Variants in ZNF775 observed in about 807,000 individuals in gnomAD.
ZNF775 encodes the protein zinc finger protein 775.
ZNF775 carries 1 observed loss-of-function variant against 2.4 expected under a neutral mutation model. That is an observed-to-expected ratio of 0.41 (90% CI 0.15 to 1.94). ZNF775 has a LOEUF of 1.94. ZNF775 is among the 30% of genes most tolerant of loss of function. The pLI is 0.30. For missense variants in ZNF775, 823 were observed against 826.6 expected (o/e 1.00, Z 0.05); for synonymous variants, 381 against 373.3 (o/e 1.02, Z -0.24).
chr7:150,396,675 G>T lies in ZNF775; in HGVS notation c.194G>T (p.Gly65Val). The T allele has an allele frequency of 6.2e-7, 1 of 1,609,286 alleles. No homozygotes were observed. Among genetic ancestry groups the T allele is most frequent in the Non-Finnish European group, 8.5e-7 (1 of 1,178,646 alleles). The change falls in exon 3 of 3, where the codon GGA (glycine) becomes GTA (valine). Residue 65 changes from glycine (G) to valine (V), a missense_variant. Transcript: ENST00000329630. ...ATGGGGCGGCCTCGAGCCCTGGGGG[G>T]ACAGGAGGAGTCTGGGAGTCCAAGG... The part of the protein sequence containing the change: ...QTMGRPRALG[G>V]QEESGSPRWA...
chr7:150,394,832 A>C (rs1038382417), intron 2 of ZNF775, among the ~76,000 whole-genome samples: 1 of 152,180 alleles, frequency 6.6e-6, no homozygotes, highest in African/African-American at 2.4e-5. Flanking sequence ...TCCTGGGGAA[A>C]ATCTCAGCAA....
At chr7:150,388,618 C>G in intron 2 of ZNF775, 117 bp downstream of exon 2, 1 of 1,132,826 alleles carries the variant, frequency 8.8e-7, no homozygotes, top group Non-Finnish European at 1.3e-6. Flanking sequence ...CTAGTACATC[C>G]CACTGATGCA....
At chr7:150,388,910 A>G (rs1800506550) in intron 2 of ZNF775, among the ~76,000 whole-genome samples, 1 of 152,252 alleles carries the variant, frequency 6.6e-6, no homozygotes, top group Non-Finnish European at 1.5e-5. Flanking sequence ...AGTTCAGTCC[A>G]TTAACGCTTC....
At chr7:150,388,644 G>A (rs151080519) in intron 2 of ZNF775, 143 bp downstream of exon 2, 24 of 958,960 alleles carry the variant, frequency 2.5e-5, no homozygotes, top group Admixed American at 7.1e-5. Flanking sequence ...TCAGGGTGGG[G>A]ACCAGGACTT....
At position 150,397,455 on chromosome 7, in the gene ZNF775, C is replaced by G; in HGVS notation, c.974C>G (p.Thr325Arg). 1 of 1,593,074 alleles carries G rather than the reference C, an allele frequency of 6.3e-7. No homozygotes were observed. Among genetic ancestry groups the G allele is most frequent in the Non-Finnish European group, 8.5e-7 (1 of 1,174,318 alleles). Residue 325 changes from threonine (T) to arginine (R), a missense_variant, in exon 3 of 3, where the codon ACG (threonine) becomes AGG (arginine). Transcript: ENST00000329630. ...GRRFSQKPNL[T>R]RHLRNHTGER... ...CGCTTCAGCCAGAAGCCCAACTTGA[C>G]GCGGCACCTGCGCAACCACACAGGC...
Position 150,397,855 on chromosome 7 carries a change from G to T in ZNF775, c.1374G>T (p.Trp458Cys). ...CNECGKSFSW[W>C]SALTIHQRIH... ...AGTGCGGCAAGAGCTTCTCGTGGTG[G>T]TCGGCGCTCACCATCCACCAGCGCA... is the stretch of plus-strand genomic sequence containing the variant. Residue 458 changes from tryptophan to cysteine, a missense_variant, in exon 3 of 3, where the codon TGG becomes TGT. Trp to Cys is a radical substitution (Grantham distance 215). Coordinates refer to ENST00000329630, the MANE Select transcript of ZNF775 (RefSeq NM_173680.4). 1 of 1,602,640 alleles carries T rather than the reference G, an allele frequency of 6.2e-7. No homozygotes were observed. Among genetic ancestry groups the T allele is most frequent in the South Asian group, 1.1e-5 (1 of 90,726 alleles).
chr7:150,379,798 C>G (rs544606789), intron 1 of ZNF775: 1 of 152,420 alleles, frequency 6.6e-6, no homozygotes, highest in African/African-American at 2.4e-5. Flanking sequence ...AGATCAGTTT[C>G]TGGGGGCAGG....
chr7:150,396,443 C>G (rs1563260194), intron 2 of ZNF775, 70 bp from the exon 3 acceptor site: 5 of 1,484,178 alleles, frequency 3.4e-6, no homozygotes, highest in East Asian at 4.9e-5. Flanking sequence ...TCTCTTGCTC[C>G]TTCTCTCCAT....
chr7:150,393,516 G>C (rs10264100), intron 2 of ZNF775, among the ~76,000 whole-genome samples: 1,715 of 152,268 alleles, frequency 0.011, 33 homozygotes, highest in African/African-American at 0.04. Context: ...TGGTAAGCCT[G>C]TATTTAGCTT....
chr7:150,390,068 T>C (rs1800534968), intron 2 of ZNF775, among the ~76,000 whole-genome samples: 1 of 152,122 alleles, frequency 6.6e-6, no homozygotes, highest in Admixed American at 6.5e-5. Flanking sequence ...CATGGAGCAA[T>C]AATCTGTGCT....
In ZNF775 at chr7:150,397,858, G is replaced by A. The variant is rs1437214548; in HGVS notation, c.1377G>A (p.Ser459=). The A allele has an allele frequency of 3.1e-6, 5 of 1,601,950 alleles. No individual in the cohort carries two copies. The highest frequency in any genetic ancestry group is 1.1e-5 in the South Asian group (1 of 90,676). Residue 459 remains serine, a synonymous_variant, in exon 3 of 3, where the codon TCG becomes TCA. Transcript: ENST00000329630. ...GCGGCAAGAGCTTCTCGTGGTGGTC[G>A]GCGCTCACCATCCACCAGCGCATCC... is the stretch of plus-strand genomic sequence containing the variant. ...NECGKSFSWW[S]ALTIHQRIHT... is the part of the protein sequence containing the mutation.
At chr7:150,394,804 A>T (rs1290751555) in intron 2 of ZNF775, among the ~76,000 whole-genome samples, 2 of 152,184 alleles carry the variant, frequency 1.3e-5, no homozygotes, top group Non-Finnish European at 2.9e-5. Flanking sequence ...TATAAATTAT[A>T]TTGGGCCATC....
Position 150,396,568 on chromosome 7 carries a change from G to A in ZNF775, c.87G>A (p.Thr29=), listed in dbSNP as rs375605204. The change falls in exon 3 of 3, where the codon ACG becomes ACA. Residue 29 remains threonine, a synonymous_variant. Transcript: ENST00000329630. ...KQEKPERLLQ[T]LAPQAMLVEK... ...AGAAGCCGGAGCGGCTGCTGCAGAC[G>A]CTGGCGCCGCAGGCCATGCTTGTGG... 7.5e-5 allele frequency: 121 copies of A among 1,605,478 alleles called. No individual in the cohort carries two copies. In the African/African-American group the frequency reaches 1.3e-3, roughly 17 times the overall value.
chr7:150,391,810 C>T (rs532215985), intron 2 of ZNF775, among the ~76,000 whole-genome samples: 5 of 147,002 alleles, frequency 3.4e-5, no homozygotes, highest in African/African-American at 7.6e-5. Context: ...CTCCCTGGTT[C>T]GGGTGATTTT....
At chr7:150,388,601 C>A in intron 2 of ZNF775, 100 bp downstream of exon 2, 1 of 1,352,788 alleles carries the variant, frequency 7.4e-7, no homozygotes, top group Non-Finnish European at 1.0e-6. Context: ...GTGCCCTCAG[C>A]CAGTAGCTAG....
intron 2 of ZNF775, among the ~76,000 whole-genome samples, chr7:150,392,029 A>G (rs996467429): frequency 6.6e-6 from 1 of 152,128 alleles, no homozygotes; most frequent in Non-Finnish European, 1.5e-5. Context: ...TCCCATTTCT[A>G]TTGGACTTAT....
At position 150,384,977 on chromosome 7, in the gene ZNF775, C is replaced by T. The variant is rs1056902038; in HGVS notation, c.-49-3445C>T. The stretch of plus-strand genomic sequence containing the variant: ...TTTGTGGCCTGGGCTCTGCCCTCCT[C>T]GGTCTGAGTTCCCCTTACCAAGGTG... On this transcript the variant is annotated intron_variant, in intron 1 of 2. Transcript: ENST00000329630. This position sits in a 1 kb window ranked among gnomAD's most constrained non-coding sequence, Gnocchi z 4.1. Among the ~76,000 whole-genome samples the T allele has an allele frequency of 9.9e-5, 15 of 152,218 alleles. No individual in the cohort carries two copies. Among genetic ancestry groups the T allele is most frequent in the African/African-American group, 3.4e-4 (14 of 41,452 alleles).
chr7:150,392,186 C>T (rs1404451569), intron 2 of ZNF775, among the ~76,000 whole-genome samples: 1 of 152,136 alleles, frequency 6.6e-6, no homozygotes, highest in Non-Finnish European at 1.5e-5. Context: ...TAAGCTGGCA[C>T]TTAAGTCCAT....
chr7:150,392,029 A>T (rs996467429), intron 2 of ZNF775, among the ~76,000 whole-genome samples: 2 of 152,128 alleles, frequency 1.3e-5, no homozygotes, highest in African/African-American at 4.8e-5. Flanking sequence ...TCCCATTTCT[A>T]TTGGACTTAT....
Sources: allele counts gnomAD v4.1 joint callset (sites outside exome capture counted in the v4.1 genomes callset), GRCh38; gene constraint gnomAD v4.1.1; non-coding constraint Gnocchi (gnomAD v3.1); transcripts MANE v1.5; gene names NCBI Gene and HGNC (gene_info 2026-07-23, HGNC 2026-07-21).